MLLT10: variants seen among roughly 807,000 people sequenced by gnomAD.
The protein encoded by MLLT10 is MLLT10 histone lysine methyltransferase DOT1L cofactor.
MLLT10 carries 30 observed loss-of-function variants against 129.1 expected under a neutral mutation model. The ratio of observed to expected loss-of-function variants is 0.23; its 90% CI spans 0.17 to 0.32. MLLT10 has a LOEUF of 0.32. MLLT10 is among the 10% of genes least tolerant of loss of function. The pLI is 1.00. For missense variants in MLLT10, 1,119 were observed against 1,268.3 expected (o/e 0.88, Z 1.79); for synonymous variants, 490 against 446.4 (o/e 1.10, Z -1.23).
chr10:21,730,848 A>T (rs2057911583), intron 16 of MLLT10, 52 bp from the exon 17 acceptor site: 4 of 1,603,224 alleles, frequency 2.5e-6, no homozygotes, highest in African/African-American at 1.3e-5. Flanking sequence ...AAGAAACTGT[A>T]CTCTCTTAAA....
chr10:21,682,346 A>G (rs765223996), intron 13 of MLLT10, 89 bp downstream of exon 13: 151 of 1,265,840 alleles, frequency 1.2e-4, no homozygotes, highest in Non-Finnish European at 1.6e-4. Flanking sequence ...AGCATGTTCT[A>G]TTGATTAGAT....
rs2058181066 is a variant in MLLT10 at position 21,734,271 on chromosome 10, G to A, written c.2858+142G>A. On this transcript the variant is annotated intron_variant, in intron 20 of 22. Coordinates refer to ENST00000307729, the MANE Select transcript of MLLT10 (RefSeq NM_001195626.3). ...AAAAATTTTAAGTATATTATACAGA[G>A]TACATTTATTTTTGAAACTTAAGTA... The A allele has an allele frequency of 9.7e-6, 8 of 827,780 alleles. No individual in the cohort carries two copies. The East Asian group carries it at 2.3e-4, about 24-fold the overall frequency. 51.3% of individuals were successfully genotyped at this position (827,780 alleles called of 1,614,324 possible). A position where few individuals can be genotyped will look rare whatever the true frequency, so the allele number is the denominator to read the frequency against.
intron 18 of MLLT10, 50 bp from the exon 19 acceptor site, chr10:21,733,454 A>G (rs368516333): frequency 3.2e-4 from 375 of 1,157,986 alleles, no homozygotes; most frequent in Non-Finnish European, 3.9e-4. Flanking sequence ...CTTACACATA[A>G]TGTAATTTAA....
intron 8 of MLLT10, among the ~76,000 whole-genome samples, chr10:21,618,757 C>A (rs1042222481): frequency 6.6e-6 from 1 of 151,444 alleles, no homozygotes; most frequent in African/African-American, 2.4e-5. Context: ...TCTCAGCCTC[C>A]CTAGTAACTC....
intron 4 of MLLT10, among the ~76,000 whole-genome samples, chr10:21,592,309 ATTGT>A (rs2042580678): frequency 6.6e-6 from 1 of 152,138 alleles, no homozygotes; most frequent in South Asian, 2.1e-4. Context: ...CTCAAGGAAA[ATTGT>A]TTGGTGTTCC....
chr10:21,630,690 G>T (rs2046914282), intron 8 of MLLT10, among the ~76,000 whole-genome samples: 1 of 152,218 alleles, frequency 6.6e-6, no homozygotes, highest in Non-Finnish European at 1.5e-5. Context: ...ATTGCCACGA[G>T]TATTAAAGTC....
chr10:21,685,982 C>T (rs2053253578), intron 13 of MLLT10, among the ~76,000 whole-genome samples: 1 of 152,102 alleles, frequency 6.6e-6, no homozygotes, highest in African/African-American at 2.4e-5. Context: ...TAGAGCAAAA[C>T]CATCCCTGAG....
chr10:21,742,336 G>A lies in MLLT10; in HGVS notation c.*353G>A, dbSNP rs1440915889. 3 of 254,356 alleles carry A rather than the reference G, an allele frequency of 1.2e-5. No homozygotes were observed. Among genetic ancestry groups the A allele is most frequent in the Non-Finnish European group, 2.3e-5 (3 of 133,100 alleles). 15.8% of individuals were successfully genotyped at this position (254,356 alleles called of 1,614,324 possible). On this transcript the variant is annotated 3_prime_UTR_variant, in exon 23 of 23. Coordinates refer to ENST00000307729, the MANE Select transcript of MLLT10 (RefSeq NM_001195626.3). ...TGTTTATAAATTGGAGATGCAAATA[G>A]CAAAACTAAATACTTGCTCCATTTA...
At chr10:21,704,117 C>G (rs553546636) in intron 13 of MLLT10, among the ~76,000 whole-genome samples, 2 of 126,626 alleles carry the variant, frequency 1.6e-5, no homozygotes, top group East Asian at 2.7e-4. Context: ...TCAAGTGATT[C>G]TCCTGCTTCA....
chr10:21,619,404 T>G (rs890317516), intron 8 of MLLT10, among the ~76,000 whole-genome samples: 2 of 152,204 alleles, frequency 1.3e-5, no homozygotes, highest in African/African-American at 4.8e-5. Context: ...TATTTTAAGA[T>G]ATGCCCTATC....
intron 3 of MLLT10, among the ~76,000 whole-genome samples, chr10:21,581,809 A>G (rs376087037): frequency 2.6e-5 from 4 of 152,210 alleles, no homozygotes; most frequent in East Asian, 1.9e-4. Flanking sequence ...CTGTGAGTCA[A>G]TTAAGCCTCT....
chr10:21,623,848 C>T (rs1272033955), intron 8 of MLLT10, among the ~76,000 whole-genome samples: 5 of 152,000 alleles, frequency 3.3e-5, no homozygotes, highest in South Asian at 4.2e-4. Context: ...ATGACTTGTT[C>T]GAAGGTCAGT....
At chr10:21,679,059 A>C (rs987170149) in intron 11 of MLLT10, among the ~76,000 whole-genome samples, 5 of 152,222 alleles carry the variant, frequency 3.3e-5, no homozygotes, top group Non-Finnish European at 5.9e-5. Flanking sequence ...TGTAGATCAA[A>C]TTAGAGTAGA....
intron 5 of MLLT10, among the ~76,000 whole-genome samples, chr10:21,598,574 T>A (rs757545960): frequency 1.4e-4 from 22 of 152,178 alleles, no homozygotes; most frequent in Non-Finnish European, 2.9e-4. Context: ...TCACATCTAT[T>A]GTTTCTATAT....
chr10:21,613,192 C>CAAAAAAAA (rs993493277), intron 6 of MLLT10, among the ~76,000 whole-genome samples: 5 of 24,636 alleles, frequency 2.0e-4, no homozygotes, highest in African/African-American at 6.9e-4. Context: ...GACTCTGTCT[C>CAAAAAAAA]AAAAAAAAAA....
At position 21,733,154 on chromosome 10, in the gene MLLT10, T is replaced by G. The variant is rs878871253; in HGVS notation, c.2407+67T>G. On this transcript the variant is annotated intron_variant, in intron 18 of 22. Transcript: ENST00000307729. Reference sequence around the variant, plus strand: ...CTTTCAGTTTTATTTGTATTATAAGTGAGTAATAATTGGTCACCAGTTATA... The same window carrying G: ...CTTTCAGTTTTATTTGTATTATAAGGGAGTAATAATTGGTCACCAGTTATA... 7.0e-6 allele frequency: 10 copies of G among 1,430,598 alleles called. No homozygotes were observed. The South Asian group carries it at 7.1e-5, about 10-fold the overall frequency. The allele number at this position is 1,430,598 out of a possible 1,614,324, so 88.6% of individuals were successfully genotyped here.
intron 13 of MLLT10, among the ~76,000 whole-genome samples, chr10:21,707,021 T>C (rs543811466): frequency 1.3e-5 from 2 of 152,194 alleles, no homozygotes; most frequent in Admixed American, 6.5e-5. Flanking sequence ...CTTGAAATGT[T>C]GGAGAGCCTC....
intron 10 of MLLT10, 32 bp from the exon 11 acceptor site, chr10:21,673,318 C>CCATGTTT: frequency 3.3e-6 from 1 of 307,342 alleles, no homozygotes; most frequent in Non-Finnish European, 5.0e-6. Flanking sequence ...CACCCCCCAA[C>CCATGTTT]TTTTTTTTTT....
intron 3 of MLLT10, among the ~76,000 whole-genome samples, chr10:21,547,468 T>C (rs1237840213): frequency 6.6e-6 from 1 of 151,268 alleles, no homozygotes; most frequent in Non-Finnish European, 1.5e-5. Context: ...ACTCTTGGGC[T>C]CATGTGATCC....
Sources: gnomAD v4.1 joint callset for allele counts (sites outside exome capture counted in the v4.1 genomes callset) on GRCh38, gnomAD v4.1.1 for gene constraint, MANE v1.5 for transcripts, NCBI Gene and HGNC (gene_info 2026-07-23, HGNC 2026-07-21) for gene names.